SLIT1: variants seen among roughly 807,000 people sequenced by gnomAD.
The protein encoded by SLIT1 is slit guidance ligand 1.
Under a neutral mutation model 186.1 loss-of-function variants are expected in SLIT1, and 66 were observed. The observed-to-expected ratio is 0.35, with a 90% CI of 0.29 to 0.44. The LOEUF (loss-of-function observed/expected upper bound fraction) is 0.44. SLIT1 is among the 20% of genes least tolerant of loss of function. SLIT1 has a pLI of 1.00. For synonymous variants in SLIT1, 761 were observed against 833.8 expected, an observed-to-expected ratio of 0.91 and a Z score of 1.50; for missense variants, 1,638 against 2,037.4, an observed-to-expected ratio of 0.80 and a Z score of 3.77.
rs958738938 is a variant in SLIT1, at chr10:97,006,674, G to A, written c.3388C>T (p.Pro1130Ser). 2.5e-6 allele frequency: 4 copies of A among 1,614,124 alleles called. No homozygotes were observed. In the East Asian group the frequency reaches 6.7e-5, roughly 27 times the overall value. ...TTCTGGCACTCAGTCCCCTCACAGG[G>A]GCTCTTGGGGGCAGGCAGATGGGGA... The part of the protein sequence containing the change: ...IPPHLPAPKS[P>S]CEGTECQNGA... Residue 1130 changes from proline to serine, a missense_variant, in exon 32 of 37, where the codon CCC becomes TCC. Pro to Ser is a moderately conservative substitution (Grantham distance 74). Around this residue, in one of 3 missense-constraint regions of SLIT1, gnomAD observed 1,245 missense variants for 1,535.3 expected, o/e 0.81. Transcript: ENST00000266058. This position sits in a 1 kb window ranked among gnomAD's most constrained non-coding sequence, Gnocchi z 4.0.
At chr10:97,034,860 C>T (rs1168747303) in intron 22 of SLIT1, among the ~76,000 whole-genome samples, 2 of 152,282 alleles carry the variant, frequency 1.3e-5, no homozygotes, top group South Asian at 4.1e-4. Flanking sequence ...GGTGGCCTCC[C>T]GACCAGATCC....
At position 97,184,430 on chromosome 10, in the gene SLIT1, A is replaced by G. The variant is rs1850383251; in HGVS notation, c.197+1048T>C. ...TACAAAGGCCCTGCATGTGACCAAA[A>G]TCTACACACACACAGCCCATTACGG... On this transcript the variant is annotated intron_variant, in intron 1 of 36. Transcript: ENST00000266058. The surrounding 1 kb of genome is among the most constrained non-coding windows in gnomAD (Gnocchi z 4.4). Among the ~76,000 whole-genome samples, 1 of 152,118 alleles carries G rather than the reference A, an allele frequency of 6.6e-6. No homozygotes were observed.
chr10:97,092,164 C>T (rs1226760737), intron 4 of SLIT1, among the ~76,000 whole-genome samples: 2 of 152,356 alleles, frequency 1.3e-5, no homozygotes, highest in East Asian at 3.9e-4. Flanking sequence ...TGAGCTGGGG[C>T]CCCTGGAGGC....
At chr10:97,181,588 T>C (rs1850339069) in intron 1 of SLIT1, among the ~76,000 whole-genome samples, 1 of 152,190 alleles carries the variant, frequency 6.6e-6, no homozygotes, top group Non-Finnish European at 1.5e-5. Context: ...CTCATGCCTG[T>C]AATCCCAGCA....
chr10:97,152,051 T>C (rs1849886260), intron 4 of SLIT1, among the ~76,000 whole-genome samples: 1 of 152,136 alleles, frequency 6.6e-6, no homozygotes, highest in South Asian at 2.1e-4. Flanking sequence ...CACCAATAAA[T>C]GCCTCCAGGG....
chr10:97,049,227 C>T, intron 13 of SLIT1, 109 bp from the exon 14 acceptor site: 11 of 1,349,132 alleles, frequency 8.2e-6, no homozygotes, highest in Non-Finnish European at 1.1e-5. Context: ...CTGCCTGTGG[C>T]CTGGAGCCTA....
At chr10:97,048,870 GGTAT>G in intron 14 of SLIT1, 81 bp downstream of exon 14, 25 of 1,412,198 alleles carry the variant, frequency 1.8e-5, no homozygotes, top group Non-Finnish European at 2.2e-5. Context: ...CAGGTGGGCA[GGTAT>G]GCAGGTGGAC....
intron 22 of SLIT1, among the ~76,000 whole-genome samples, chr10:97,036,116 C>G (rs1273203438): frequency 6.6e-6 from 1 of 152,208 alleles, no homozygotes; most frequent in African/African-American, 2.4e-5. Flanking sequence ...GCTCTCAGCT[C>G]AGGAAACATT....
chr10:97,168,719 C>T (rs1351218957), intron 1 of SLIT1, among the ~76,000 whole-genome samples: 2 of 152,172 alleles, frequency 1.3e-5, no homozygotes, highest in East Asian at 1.9e-4. Context: ...GGGAGGAATA[C>T]ATTCCTGTAA....
At chr10:97,175,492 C>A (rs1850244086) in intron 1 of SLIT1, among the ~76,000 whole-genome samples, 1 of 152,180 alleles carries the variant, frequency 6.6e-6, no homozygotes, top group East Asian at 1.9e-4. Context: ...AGTAGCTGCA[C>A]CGTTTCACAT....
intron 25 of SLIT1, among the ~76,000 whole-genome samples, chr10:97,024,223 C>A (rs1385216236): frequency 6.6e-6 from 1 of 152,162 alleles, no homozygotes; most frequent in Admixed American, 6.5e-5. Context: ...CTGATTAAAG[C>A]AGCAGTGGCT....
At chr10:97,145,253 G>A (rs985739645) in intron 4 of SLIT1, among the ~76,000 whole-genome samples, 4 of 152,072 alleles carry the variant, frequency 2.6e-5, no homozygotes, top group Non-Finnish European at 4.4e-5. Context: ...AAGTAGCTAG[G>A]ACTACAGGCG....
chr10:97,138,934 C>T (rs983897474), intron 4 of SLIT1, among the ~76,000 whole-genome samples: 1 of 152,240 alleles, frequency 6.6e-6, no homozygotes, highest in East Asian at 1.9e-4. Flanking sequence ...ACATCACCCT[C>T]TTGAGAATCA....
chr10:97,176,585 G>A (rs180739115), intron 1 of SLIT1, among the ~76,000 whole-genome samples: 2 of 152,078 alleles, frequency 1.3e-5, no homozygotes, highest in Non-Finnish European at 2.9e-5. Context: ...CCTGCCTTCC[G>A]CTTCTCCCAG....
At chr10:97,036,552 A>G (rs932674207) in intron 22 of SLIT1, among the ~76,000 whole-genome samples, 2 of 152,258 alleles carry the variant, frequency 1.3e-5, no homozygotes, top group African/African-American at 4.8e-5. Flanking sequence ...AGTTTACGCG[A>G]ACATTGTTTC....
At chr10:97,185,307 G>T (rs1408863932) in intron 1 of SLIT1, among the ~76,000 whole-genome samples, 171 bp downstream of exon 1, 1 of 152,062 alleles carries the variant, frequency 6.6e-6, no homozygotes, top group Non-Finnish European at 1.5e-5. Context: ...GGGAAACCAC[G>T]GCGCTCCTGG....
intron 4 of SLIT1, among the ~76,000 whole-genome samples, chr10:97,148,993 C>T (rs1054763683): frequency 6.6e-6 from 1 of 152,236 alleles, no homozygotes; most frequent in Non-Finnish European, 1.5e-5. Context: ...AAGTGCAGGG[C>T]ACACCGCGTT....
intron 23 of SLIT1, 62 bp downstream of exon 23, chr10:97,034,409 G>T: frequency 1.7e-6 from 2 of 1,188,164 alleles, no homozygotes; most frequent in Admixed American, 1.7e-5. Flanking sequence ...ACAGGCTGGG[G>T]CTAGGGAATG....
intron 4 of SLIT1, among the ~76,000 whole-genome samples, chr10:97,113,412 A>G (rs948473798): frequency 6.6e-6 from 1 of 151,500 alleles, no homozygotes; most frequent in Admixed American, 6.6e-5. Context: ...CTAATTTTGT[A>G]TTTTTAATAG....
Sources: gnomAD v4.1 joint callset for allele counts (sites outside exome capture counted in the v4.1 genomes callset) on GRCh38, gnomAD v4.1.1 for gene constraint, gnomAD v4.1.1 regional missense constraint, Gnocchi (gnomAD v3.1) non-coding constraint, MANE v1.5 for transcripts, NCBI Gene and HGNC (gene_info 2026-07-23, HGNC 2026-07-21) for gene names.